The following BTBD3 variants were observed in gnomAD, a reference collection of about 807,000 sequenced individuals.
BTBD3 encodes BTB/POZ domain-containing protein 3.
In BTBD3, 14 loss-of-function variants were observed where a neutral mutation model predicts 41.6. That is an observed-to-expected ratio of 0.34 (90% CI 0.22 to 0.53). The LOEUF is 0.53. Among genes scored for constraint, BTBD3 ranks in the 20% least tolerant of loss-of-function variants. BTBD3 has a pLI of 0.95. For synonymous variants in BTBD3, 249 were observed against 233.7 expected (o/e 1.07, Z -0.60); for missense variants, 426 against 654.7 (o/e 0.65, Z 3.81).
rs1568615553 is a variant in BTBD3 at position 11,919,714 on chromosome 20, A to G, written c.418-4A>G. On this transcript the variant is annotated splice_polypyrimidine_tract_variant and splice_region_variant and intron_variant, in intron 2 of 3. Coordinates refer to ENST00000378226, the MANE Select transcript of BTBD3 (RefSeq NM_014962.4). Reference sequence around the variant, plus strand: ...TATGAAATAAGATTTCCCTTTCTACACAGTATGTTTTAGCTGTTGGGAGCT... The same window carrying G: ...TATGAAATAAGATTTCCCTTTCTACGCAGTATGTTTTAGCTGTTGGGAGCT... 1.2e-6 allele frequency: 2 copies of G among 1,613,080 alleles called. No homozygotes were observed. The highest frequency in any genetic ancestry group is 1.7e-5 in the Admixed American group (1 of 60,016).
At chr20:11,906,282 T>TTTTTTTTTTTTTTTTTTTG (rs869198827) in intron 1 of BTBD3, among the ~76,000 whole-genome samples, 1 of 132,606 alleles carries the variant, frequency 7.5e-6, no homozygotes, top group African/African-American at 2.8e-5. Flanking sequence ...TTTTTTTTTT[T>TTTTTTTTTTTTTTTTTTTG]GAGACGGAGT....
chr20:11,914,646 G>T (rs1194916786), upstream of BTBD3, among the ~76,000 whole-genome samples: 1 of 151,196 alleles, frequency 6.6e-6, no homozygotes, highest in Non-Finnish European at 1.5e-5. Flanking sequence ...AAAAAAAAAA[G>T]AAAAGAACCT....
In BTBD3 at chr20:11,926,123, C is replaced by T. The variant is rs1290575636; in HGVS notation, c.*2457C>T. The T allele has an allele frequency of 6.6e-6, 1 of 152,568 alleles. No individual in the cohort carries two copies. Among genetic ancestry groups the T allele is most frequent in the Non-Finnish European group, 1.5e-5 (1 of 68,018 alleles). 9.5% of individuals were successfully genotyped at this position (152,568 alleles called of 1,614,324 possible). ...ATCTTGGATTTTGTAGCTTTTAAAA[C>T]TAGAAACCATTGTTCTAACAAAGCA... is the stretch of plus-strand genomic sequence containing the variant. On this transcript the variant is annotated 3_prime_UTR_variant, in exon 4 of 4. Coordinates refer to ENST00000378226, the MANE Select transcript of BTBD3 (RefSeq NM_014962.4).
At chr20:11,917,130 G>T (rs1006357013), upstream of BTBD3, among the ~76,000 whole-genome samples, 8 of 152,186 alleles carry the variant, frequency 5.3e-5, no homozygotes, top group African/African-American at 4.8e-5. Context: ...CAGTTAAGTT[G>T]AATTTTGAGA....
rs549992658 is a variant in BTBD3 at position 11,924,516 on chromosome 20, G to A, written c.*850G>A. 6.5e-6 allele frequency: 1 copy of A among 152,746 alleles called. No individual in the cohort carries two copies. Among genetic ancestry groups the A allele is most frequent in the East Asian group, 1.9e-4 (1 of 5,182 alleles). The allele number at this position is 152,746 out of a possible 1,614,324, so 9.5% of individuals were successfully genotyped here. A position where few individuals can be genotyped will look rare whatever the true frequency, so the allele number is the denominator to read the frequency against. On this transcript the variant is annotated 3_prime_UTR_variant, in exon 4 of 4. Transcript: ENST00000378226. The stretch of plus-strand genomic sequence containing the variant: ...AATTGATGGCATATAAGAATATGCA[G>A]TTTGAAAAAGCCAAACTCTTCTCTC...
chr20:11,915,338 G>C (rs1298009278), upstream of BTBD3, among the ~76,000 whole-genome samples: 3 of 152,146 alleles, frequency 2.0e-5, no homozygotes. Context: ...AGAACAAGAT[G>C]TGAGGGGTTG....
chr20:11,894,880 C>T (rs2056777361), intron 1 of BTBD3, among the ~76,000 whole-genome samples: 1 of 152,092 alleles, frequency 6.6e-6, no homozygotes, highest in Admixed American at 6.6e-5. Context: ...TGAGGAAGAC[C>T]ACTTATTTTA....
chr20:11,919,386 C>G, intron 2 of BTBD3: 3 of 1,408,696 alleles, frequency 2.1e-6, no homozygotes, highest in Non-Finnish European at 2.8e-6. Flanking sequence ...TCACACATCC[C>G]CTCTTAACTC....
intron 1 of BTBD3, among the ~76,000 whole-genome samples, chr20:11,898,930 A>T (rs1179613643): frequency 6.6e-6 from 1 of 152,198 alleles, no homozygotes; most frequent in African/African-American, 2.4e-5. Flanking sequence ...TGTGAATTGT[A>T]TTCTAGAATC....
intron 2 of BTBD3, 139 bp from the exon 3 acceptor site, chr20:11,919,579 T>A: frequency 1.8e-6 from 2 of 1,142,686 alleles, no homozygotes; most frequent in Non-Finnish European, 2.5e-6. Flanking sequence ...CTACCCTGTG[T>A]ACCTTGGCTT....
intron 1 of BTBD3, among the ~76,000 whole-genome samples, chr20:11,912,473 T>C (rs2056895082): frequency 6.6e-6 from 1 of 152,134 alleles, no homozygotes; most frequent in Admixed American, 6.5e-5. Context: ...CCCTGCAAAA[T>C]CAGATTCACA....
At chr20:11,906,783 G>C (rs1383863252) in intron 1 of BTBD3, among the ~76,000 whole-genome samples, 2 of 152,074 alleles carry the variant, frequency 1.3e-5, no homozygotes, top group Non-Finnish European at 2.9e-5. Context: ...TTGCAGGGGA[G>C]GCATGCATTT....
chr20:11,912,049 G>A (rs575644449), intron 1 of BTBD3, among the ~76,000 whole-genome samples: 1 of 152,094 alleles, frequency 6.6e-6, no homozygotes, highest in South Asian at 2.1e-4. Context: ...CAAATCTAAA[G>A]TACAATTCAA....
intron 1 of BTBD3, chr20:11,891,036 C>T (rs1405575844): frequency 5.3e-6 from 5 of 936,518 alleles, no homozygotes; most frequent in Non-Finnish European, 5.1e-6. Flanking sequence ...GGCGCGCGCC[C>T]TGCGGCCGGC....
intron 1 of BTBD3, among the ~76,000 whole-genome samples, chr20:11,902,902 T>TA: frequency 6.6e-6 from 1 of 152,096 alleles, no homozygotes. Flanking sequence ...ATACAAAACT[T>TA]AAAAAAATTT....
chr20:11,900,053 T>C (rs977005866), intron 1 of BTBD3, among the ~76,000 whole-genome samples: 2 of 152,244 alleles, frequency 1.3e-5, no homozygotes, highest in Admixed American at 1.3e-4. Context: ...TCTATGATGC[T>C]ATATAAGTAA....
chr20:11,899,766 A>G (rs1179807060), intron 1 of BTBD3, among the ~76,000 whole-genome samples: 1 of 152,164 alleles, frequency 6.6e-6, no homozygotes, highest in Non-Finnish European at 1.5e-5. Flanking sequence ...CTCTTTCTTA[A>G]TAGAGCAAGA....
upstream of BTBD3, among the ~76,000 whole-genome samples, chr20:11,917,488 AG>A (rs2056926183): frequency 6.6e-6 from 1 of 152,234 alleles, no homozygotes; most frequent in South Asian, 2.1e-4. Flanking sequence ...TGCTATTAAT[AG>A]CCCTTTTCAG....
At chr20:11,903,390 C>CAG (rs1245335483) in intron 1 of BTBD3, among the ~76,000 whole-genome samples, 1 of 152,186 alleles carries the variant, frequency 6.6e-6, no homozygotes, top group East Asian at 1.9e-4. Context: ...AGCAGATTTT[C>CAG]AGAGAGAGAT....
Sources: allele counts gnomAD v4.1 joint callset (sites outside exome capture counted in the v4.1 genomes callset), GRCh38; gene constraint gnomAD v4.1.1; transcripts MANE v1.5; gene names NCBI Gene and HGNC (gene_info 2026-07-23, HGNC 2026-07-21).